Variants in NR5A2 observed in about 807,000 individuals in gnomAD.
NR5A2 encodes the protein CYP7A promoter-binding factor.
NR5A2 carries 26 observed loss-of-function variants against 62.7 expected under a neutral mutation model. That is an observed-to-expected ratio of 0.41 (90% CI 0.30 to 0.58). NR5A2 has a LOEUF of 0.58. NR5A2 is among the 20% of genes least tolerant of loss of function. The pLI is 0.22. For missense variants in NR5A2, 541 were observed against 669.1 expected, an observed-to-expected ratio of 0.81 and a Z score of 2.11; for synonymous variants, 246 against 241.7, an observed-to-expected ratio of 1.02 and a Z score of -0.16.
At position 200,147,727 on chromosome 1, in the gene NR5A2, T is replaced by A; in HGVS notation, c.1379-26236T>A. The A allele has an allele frequency of 3.3e-6, 2 of 604,400 alleles. No homozygotes were observed. The highest frequency in any genetic ancestry group is 3.4e-5 in the East Asian group (1 of 29,242). The allele number at this position is 604,400 out of a possible 1,614,324, so 37.4% of individuals were successfully genotyped here. A position where few individuals can be genotyped will look rare whatever the true frequency, so the allele number is the denominator to read the frequency against. Reference sequence around the variant, plus strand: ...CTCCTCCAGCTCCTCCCTGAGCGCCTCTCCCACGTCCACGGTGAAGACGCG... The same window carrying A: ...CTCCTCCAGCTCCTCCCTGAGCGCCACTCCCACGTCCACGGTGAAGACGCG... On this transcript the variant is annotated intron_variant, in intron 7 of 7. Coordinates refer to ENST00000367362, the MANE Select transcript of NR5A2 (RefSeq NM_205860.3). This position sits in a 1 kb window ranked among gnomAD's most constrained non-coding sequence, Gnocchi z 4.9.
intron 5 of NR5A2, among the ~76,000 whole-genome samples, chr1:200,097,125 C>T (rs16845982): frequency 0.025 from 3,856 of 152,236 alleles, 180 homozygotes; most frequent in African/African-American, 0.088. Context: ...AAAATGTAAA[C>T]GATTTCTTTC....
At chr1:200,114,099 C>T (rs1445828013) in intron 6 of NR5A2, among the ~76,000 whole-genome samples, 2 of 152,068 alleles carry the variant, frequency 1.3e-5, no homozygotes, top group East Asian at 1.9e-4. Flanking sequence ...AGGAGAATCG[C>T]TTGAACCCGG....
At chr1:200,075,657 G>A (rs1663991088) in intron 5 of NR5A2, among the ~76,000 whole-genome samples, 1 of 152,208 alleles carries the variant, frequency 6.6e-6, no homozygotes, top group African/African-American at 2.4e-5. Context: ...AAGTTGAGCA[G>A]CAAAAGCCAA....
chr1:200,049,580 G>A (rs1395632948), intron 5 of NR5A2, among the ~76,000 whole-genome samples: 1 of 152,134 alleles, frequency 6.6e-6, no homozygotes, highest in Non-Finnish European at 1.5e-5. Flanking sequence ...ATGTGAGAAA[G>A]TTATTTAGAA....
rs150459446 is a variant in NR5A2, at chr1:200,118,406, T to A, written c.1231-2402T>A. On this transcript the variant is annotated intron_variant, in intron 6 of 7. Coordinates refer to ENST00000367362, the MANE Select transcript of NR5A2 (RefSeq NM_205860.3). ...GTTGATTCCAAGCTTAAATTGTTAA[T>A]CTTGTCCCATCTATGATTCTTGATA... Among the ~76,000 whole-genome samples, 912 of 152,316 alleles carry A rather than the reference T, an allele frequency of 6.0e-3. 5 individuals are homozygous for A. Among genetic ancestry groups the A allele is most frequent in the African/African-American group, 0.021 (865 of 41,556 alleles).
chr1:200,088,563 C>T (rs1204682064), intron 5 of NR5A2, among the ~76,000 whole-genome samples: 1 of 152,128 alleles, frequency 6.6e-6, no homozygotes, highest in Non-Finnish European at 1.5e-5. Flanking sequence ...GACCGCCCAG[C>T]CCCTTGTTAT....
At chr1:200,092,115 A>G (rs1664845874) in intron 5 of NR5A2, among the ~76,000 whole-genome samples, 1 of 152,186 alleles carries the variant, frequency 6.6e-6, no homozygotes, top group Admixed American at 6.5e-5. Context: ...GAGAGAATTA[A>G]GTGAAGCCAT....
intron 7 of NR5A2, among the ~76,000 whole-genome samples, chr1:200,151,660 G>A (rs553869396): frequency 3.3e-5 from 5 of 152,308 alleles, no homozygotes; most frequent in African/African-American, 1.2e-4. Flanking sequence ...ATGGACAGGA[G>A]GCATTATCAT....
intron 7 of NR5A2, among the ~76,000 whole-genome samples, chr1:200,137,446 G>A (rs1334738817): frequency 6.6e-6 from 1 of 151,826 alleles, no homozygotes; most frequent in Admixed American, 6.6e-5. Flanking sequence ...GATTACAGGC[G>A]TGAGCCACCA....
At chr1:200,107,130 C>G (rs1220299185) in intron 5 of NR5A2, among the ~76,000 whole-genome samples, 1 of 152,014 alleles carries the variant, frequency 6.6e-6, no homozygotes, top group Non-Finnish European at 1.5e-5. Flanking sequence ...GGGTCAGATG[C>G]AAGTTGCTGA....
intron 7 of NR5A2, among the ~76,000 whole-genome samples, chr1:200,129,970 A>T (rs1666891265): frequency 6.6e-6 from 1 of 152,276 alleles, no homozygotes; most frequent in South Asian, 2.1e-4. Flanking sequence ...GAAGCCTGGA[A>T]ATACTGTAGA....
Position 200,165,413 on chromosome 1 carries a change from T to G in NR5A2, c.1379-8550T>G, listed in dbSNP as rs534744805. Reference sequence around the variant, plus strand: ...CTCGCTGTTGATGTTGTACATTCTATGGATTTGGACACACGTAATGACATG... The same window carrying G: ...CTCGCTGTTGATGTTGTACATTCTAGGGATTTGGACACACGTAATGACATG... On this transcript the variant is annotated intron_variant, in intron 7 of 7. Coordinates refer to ENST00000367362, the MANE Select transcript of NR5A2 (RefSeq NM_205860.3). 2.3e-4 allele frequency among the ~76,000 whole-genome samples: 35 copies of G among 152,320 alleles called. 1 individual carries two copies. Among genetic ancestry groups the G allele is most frequent in the South Asian group, 1.2e-3 (6 of 4,816 alleles).
chr1:200,043,682 G>T (rs934073844), intron 2 of NR5A2, 92 bp from the exon 3 acceptor site: 2 of 704,800 alleles, frequency 2.8e-6, no homozygotes, highest in Middle Eastern at 5.3e-4. Flanking sequence ...TGTGATATTT[G>T]CCCAGCAATC....
At chr1:200,066,740 A>G (rs1032777225) in intron 5 of NR5A2, among the ~76,000 whole-genome samples, 5 of 151,998 alleles carry the variant, frequency 3.3e-5, no homozygotes, top group African/African-American at 1.2e-4. Context: ...GGTGCCCACC[A>G]CCATGCCCAG....
intron 5 of NR5A2, among the ~76,000 whole-genome samples, chr1:200,057,207 T>C (rs564590492): frequency 2.6e-5 from 4 of 152,334 alleles, no homozygotes; most frequent in Admixed American, 2.6e-4. Flanking sequence ...TTCCTTGCTC[T>C]GCTCTAGGTC....
chr1:200,052,037 T>C (rs552608628), intron 5 of NR5A2, among the ~76,000 whole-genome samples: 4 of 152,314 alleles, frequency 2.6e-5, no homozygotes, highest in African/African-American at 9.6e-5. Context: ...TATTCTACTT[T>C]AGTCTAATTT....
intron 7 of NR5A2, among the ~76,000 whole-genome samples, chr1:200,169,867 T>C (rs1367897119): frequency 6.6e-6 from 1 of 152,216 alleles, no homozygotes; most frequent in Non-Finnish European, 1.5e-5. Context: ...TATATAAATT[T>C]CAAAGGAACG....
intron 1 of NR5A2, chr1:200,029,109 A>G (rs1399708893): frequency 2.3e-6 from 1 of 443,222 alleles, no homozygotes; most frequent in Admixed American, 2.4e-5. Flanking sequence ...GTCGGGCAGA[A>G]CCGCCGCGGT....
chr1:200,038,735 C>A, intron 1 of NR5A2: 1 of 1,366,138 alleles, frequency 7.3e-7, no homozygotes, highest in South Asian at 1.1e-5. Flanking sequence ...GCTTCTCCTT[C>A]GCCGCCACGC....
Sources: allele counts gnomAD v4.1 joint callset (sites outside exome capture counted in the v4.1 genomes callset), GRCh38; gene constraint gnomAD v4.1.1; non-coding constraint Gnocchi (gnomAD v3.1); transcripts MANE v1.5; gene names NCBI Gene and HGNC (gene_info 2026-07-23, HGNC 2026-07-21).